CAND1: variants seen among roughly 807,000 people sequenced by gnomAD.
CAND1 encodes cullin-associated NEDD8-dissociated protein 1.
CAND1 carries 7 observed loss-of-function variants against 108.5 expected under a neutral mutation model. That is an observed-to-expected ratio of 0.06 (90% confidence interval 0.04 to 0.12). The LOEUF (loss-of-function observed/expected upper bound fraction) is 0.12. Ranked by LOEUF, CAND1 falls within the 10% of genes least tolerant of loss-of-function variation. The pLI is 1.00. For synonymous variants in CAND1, 534 were observed against 512.0 expected, an observed-to-expected ratio of 1.04 and a Z score of -0.58; for missense variants, 941 against 1,448.7, an observed-to-expected ratio of 0.65 and a Z score of 5.69.
At position 67,305,757 on chromosome 12, in the gene CAND1, C is replaced by T. The variant is rs2044875874; in HGVS notation, c.2089C>T (p.Leu697Phe). The change falls in exon 10 of 15, where the codon CTC becomes TTC. Residue 697 changes from leucine (L) to phenylalanine (F), a missense_variant. By Grantham distance (22) the Leu-to-Phe change is conservative. Transcript: ENST00000545606. The surrounding 1 kb of genome is among the most constrained non-coding windows in gnomAD (Gnocchi z 4.4). ...AAMIDAVLDE[L>F]PPLISESDMH... ...CATGATTGATGCAGTTCTAGATGAG[C>T]TCCCACCTCTTATCAGCGAAAGTGA... is the stretch of plus-strand genomic sequence containing the variant. 6.2e-7 allele frequency: 1 copy of T among 1,614,170 alleles called. No homozygotes were observed. The highest frequency in any genetic ancestry group is 8.5e-7 in the Non-Finnish European group (1 of 1,179,998).
rs1202207890 is a variant in CAND1 at position 67,304,736 on chromosome 12, A to G, written c.1425A>G (p.Val475=). The G allele has an allele frequency of 1.2e-6, 2 of 1,613,440 alleles. No individual in the cohort carries two copies. The highest frequency in any genetic ancestry group is 3.3e-5 in the Admixed American group (2 of 59,810). Residue 475 remains valine, a synonymous_variant, in exon 9 of 15, where the codon GTA becomes GTG. Coordinates refer to ENST00000545606, the MANE Select transcript of CAND1 (RefSeq NM_018448.5). The part of the protein sequence containing the change: ...LPGALTQHIP[V]LVPGIIFSLN... ...GGGCCCTAACTCAACACATTCCTGTACTTGTACCAGGTATGAAAGAAACAT... is the reference window on the plus strand; with the variant it reads ...GGGCCCTAACTCAACACATTCCTGTGCTTGTACCAGGTATGAAAGAAACAT...
At position 67,318,262 on chromosome 12, in the gene CAND1, C is replaced by T. The variant is rs2045027964; in HGVS notation, c.*5432C>T. On this transcript the variant is annotated 3_prime_UTR_variant, in exon 15 of 15. Coordinates refer to ENST00000545606, the MANE Select transcript of CAND1 (RefSeq NM_018448.5). Reference sequence around the variant, plus strand: ...CACCACTGCACTCCAGCCTGGGTGACAAAGCGAGACCCTGTCTCAAAAAAA... The same window carrying T: ...CACCACTGCACTCCAGCCTGGGTGATAAAGCGAGACCCTGTCTCAAAAAAA... 6.6e-6 allele frequency: 1 copy of T among 152,206 alleles called. No homozygotes were observed. The highest frequency in any genetic ancestry group is 1.5e-5 in the Non-Finnish European group (1 of 68,124). The allele number at this position is 152,206 out of a possible 1,614,324, so 9.4% of individuals were successfully genotyped here.
chr12:67,290,599 T>A (rs1295423115), intron 2 of CAND1, among the ~76,000 whole-genome samples: 1 of 152,226 alleles, frequency 6.6e-6, no homozygotes, highest in Non-Finnish European at 1.5e-5. Flanking sequence ...AAAGTTTTTT[T>A]AAATTTGTTT....
In CAND1 at chr12:67,313,046, A is replaced by G. The variant is rs2044969334; in HGVS notation, c.*216A>G. The G allele has an allele frequency of 2.3e-6, 1 of 440,448 alleles. No individual in the cohort carries two copies. Among genetic ancestry groups the G allele is most frequent in the Non-Finnish European group, 4.1e-6 (1 of 246,764 alleles). 27.3% of individuals were successfully genotyped at this position (440,448 alleles called of 1,614,324 possible). ...TCCATAATCCAGAGGTTGTAAAACC[A>G]CTAGTGTTTTAGTGGTTACAGCAAC... On this transcript the variant is annotated 3_prime_UTR_variant, in exon 15 of 15. Coordinates refer to ENST00000545606, the MANE Select transcript of CAND1 (RefSeq NM_018448.5).
chr12:67,299,281 A>G (rs372219730), intron 7 of CAND1, among the ~76,000 whole-genome samples, 186 bp downstream of exon 7: 5 of 152,186 alleles, frequency 3.3e-5, no homozygotes, highest in African/African-American at 9.6e-5. Context: ...TATGCAACAC[A>G]TTAAAAAATC....
chr12:67,307,576 G>A (rs1027562675), intron 11 of CAND1, 84 bp downstream of exon 11: 10 of 819,524 alleles, frequency 1.2e-5, no homozygotes, highest in Admixed American at 4.8e-5. Context: ...TAGAAATATC[G>A]AGGAATTAAA....
chr12:67,281,910 G>T lies in CAND1; in HGVS notation c.69G>T (p.Arg23Ser). The T allele has an allele frequency of 6.3e-7, 1 of 1,593,574 alleles. No homozygotes were observed. Among genetic ancestry groups the T allele is most frequent in the Non-Finnish European group, 8.5e-7 (1 of 1,172,768 alleles). ...TTAACAAATTTTATTTTTTTGATAGGTTTATGGCTACAAATGATTTGATGA... is the reference window on the plus strand; with the variant it reads ...TTAACAAATTTTATTTTTTTGATAGTTTTATGGCTACAAATGATTTGATGA... ...EKMTSSDKDF[R>S]FMATNDLMTE... The change falls in exon 2 of 15, where the codon AGG becomes AGT. Residue 23 changes from arginine to serine, a missense_variant and splice_region_variant. By Grantham distance (110) the Arg-to-Ser change is moderately radical. This residue lies in a region of CAND1 where 44 missense variants were observed against 129.1 expected (regional missense o/e 0.34). Coordinates refer to ENST00000545606, the MANE Select transcript of CAND1 (RefSeq NM_018448.5).
chr12:67,295,637 C>T lies in CAND1; in HGVS notation c.491+481C>T, dbSNP rs969802786. Among the ~76,000 whole-genome samples, 7 of 152,236 alleles carry T rather than the reference C, an allele frequency of 4.6e-5. 1 individual carries two copies. The South Asian group carries it at 1.4e-3, about 32-fold the overall frequency. On this transcript the variant is annotated intron_variant, in intron 4 of 14. Coordinates refer to ENST00000545606, the MANE Select transcript of CAND1 (RefSeq NM_018448.5). ...AGTCAGATGTTAGAACATAGACAGA[C>T]CTAAGCAACTCCTAGGAGAAAATAC...
rs1180504804 is a variant in CAND1, at chr12:67,269,746, A to G, written c.29A>G (p.Asn10Ser). 9.3e-6 allele frequency: 15 copies of G among 1,605,996 alleles called. No individual in the cohort carries two copies. Among genetic ancestry groups the G allele is most frequent in the Non-Finnish European group, 1.3e-5 (15 of 1,177,462 alleles). MASASYHISNLLEKMTSSDK... is the reference protein window; with the variant it reads MASASYHISSLLEKMTSSDK... ...GCGAGCGCCTCGTACCACATTTCCAATTTGCTGGAAAAAATGACATCCAGC... is the reference window on the plus strand; with the variant it reads ...GCGAGCGCCTCGTACCACATTTCCAGTTTGCTGGAAAAAATGACATCCAGC... Residue 10 changes from asparagine (N) to serine (S), a missense_variant, in exon 1 of 15, where the codon AAT (asparagine) becomes AGT (serine). By Grantham distance (46) the Asn-to-Ser change is conservative. Transcript: ENST00000545606.
chr12:67,316,427 T>C lies in CAND1; in HGVS notation c.*3597T>C, dbSNP rs2045008271. Reference sequence around the variant, plus strand: ...TAAATTGCTTGTTTTCCTATGAATATCAGAAAAGATTTTGTAAACACCTTT... The same window carrying C: ...TAAATTGCTTGTTTTCCTATGAATACCAGAAAAGATTTTGTAAACACCTTT... On this transcript the variant is annotated 3_prime_UTR_variant, in exon 15 of 15. Transcript: ENST00000545606. 1 of 152,230 alleles carries C rather than the reference T, an allele frequency of 6.6e-6. No individual in the cohort carries two copies. The highest frequency in any genetic ancestry group is 6.5e-5 in the Admixed American group (1 of 15,286). 9.4% of individuals were successfully genotyped at this position (152,230 alleles called of 1,614,324 possible). A position where few individuals can be genotyped will look rare whatever the true frequency, so the allele number is the denominator to read the frequency against.
intron 4 of CAND1, among the ~76,000 whole-genome samples, chr12:67,295,417 C>G (rs758416976): frequency 6.6e-6 from 1 of 151,824 alleles, no homozygotes; most frequent in Non-Finnish European, 1.5e-5. Context: ...TTTTTTTTAG[C>G]ACGGTTCATG....
intron 2 of CAND1, among the ~76,000 whole-genome samples, chr12:67,286,484 A>G (rs908572150): frequency 8.6e-5 from 13 of 151,708 alleles, no homozygotes; most frequent in East Asian, 1.9e-4. Context: ...CCACTTCAGT[A>G]GGTGTGTAAG....
intron 4 of CAND1, among the ~76,000 whole-genome samples, chr12:67,295,406 A>AT (rs969538612): frequency 1.2e-4 from 18 of 152,136 alleles, no homozygotes; most frequent in Admixed American, 2.6e-4. Flanking sequence ...GTGATTTTAA[A>AT]TTTTTTTTAG....
In CAND1 at chr12:67,291,710, G is replaced by T. The variant is rs1025393426; in HGVS notation, c.213-912G>T. On this transcript the variant is annotated intron_variant, in intron 2 of 14. Coordinates refer to ENST00000545606, the MANE Select transcript of CAND1 (RefSeq NM_018448.5). ...ATAATAATTCTCTGCACGAAACAAA[G>T]CTTTGACTGACCAGCACATGAGGTC... is the stretch of plus-strand genomic sequence containing the variant. Among the ~76,000 whole-genome samples the T allele has an allele frequency of 3.3e-5, 5 of 152,142 alleles. No homozygotes were observed. The East Asian group carries it at 9.6e-4, about 29-fold the overall frequency.
At chr12:67,276,325 G>T (rs17103652) in intron 1 of CAND1, among the ~76,000 whole-genome samples, 1 of 152,140 alleles carries the variant, frequency 6.6e-6, no homozygotes, top group East Asian at 1.9e-4. Flanking sequence ...CATCTATTTG[G>T]TATATTTTTT....
At chr12:67,307,296 A>G (rs1017310153) in intron 10 of CAND1, 101 bp from the exon 11 acceptor site, 2 of 769,554 alleles carry the variant, frequency 2.6e-6, no homozygotes, top group African/African-American at 3.4e-5. Flanking sequence ...GAGAATTCTA[A>G]GGCATTGAAG....
intron 2 of CAND1, among the ~76,000 whole-genome samples, chr12:67,285,283 T>G (rs2044659695): frequency 6.6e-6 from 1 of 152,214 alleles, no homozygotes; most frequent in Admixed American, 6.5e-5. Context: ...AAAAATGTAC[T>G]TGAACAAGCA....
intron 2 of CAND1, among the ~76,000 whole-genome samples, chr12:67,286,164 C>T (rs1423105081): frequency 2.6e-5 from 4 of 152,084 alleles, no homozygotes; most frequent in East Asian, 3.9e-4. Flanking sequence ...CCCGCCACCA[C>T]GCCCAACTAA....
At chr12:67,291,456 G>A (rs542347285) in intron 2 of CAND1, among the ~76,000 whole-genome samples, 2 of 152,284 alleles carry the variant, frequency 1.3e-5, no homozygotes, top group African/African-American at 4.8e-5. Flanking sequence ...AGTGATGCAG[G>A]TTTAGTGTCC....
Sources: allele counts gnomAD v4.1 joint callset (sites outside exome capture counted in the v4.1 genomes callset), GRCh38; gene constraint gnomAD v4.1.1; regional missense constraint gnomAD v4.1.1; non-coding constraint Gnocchi (gnomAD v3.1); transcripts MANE v1.5; gene names NCBI Gene and HGNC (gene_info 2026-07-23, HGNC 2026-07-21).